Variants in ZNF331 observed in about 807,000 individuals in gnomAD.
ZNF331 encodes the protein C2H2-like zinc finger protein rearranged in thyroid adenomas.
In ZNF331, 2 loss-of-function variants were observed where a neutral mutation model predicts 7.0. The ratio of observed to expected loss-of-function variants is 0.29; its 90% confidence interval spans 0.12 to 0.90. ZNF331 has a LOEUF of 0.90. ZNF331 is among the 40% of genes least tolerant of loss of function. ZNF331 has a pLI of 0.58. For synonymous variants in ZNF331, 196 were observed against 205.4 expected (o/e 0.95, Z 0.39); for missense variants, 432 against 587.7 (o/e 0.74, Z 2.74).
chr19:53,518,138 C>T (rs1246048894), upstream of ZNF331, among the ~76,000 whole-genome samples: 1 of 152,222 alleles, frequency 6.6e-6, no homozygotes, highest in African/African-American at 2.4e-5. Context: ...TCAGGTAGAA[C>T]ACAGAAGGCA....
intron 3 of ZNF331, among the ~76,000 whole-genome samples, chr19:53,566,956 T>C (rs1420349834): frequency 6.6e-6 from 1 of 152,130 alleles, no homozygotes; most frequent in African/African-American, 2.4e-5. Flanking sequence ...TCTCTCCATA[T>C]ATATACATGT....
At chr19:53,521,560 A>G (rs1394289005) in exon 1 of ZNF331, 1 of 152,368 alleles carries the variant, frequency 6.6e-6, no homozygotes, top group Non-Finnish European at 1.5e-5. Context: ...GCCGGGCTGT[A>G]AGGGCATCTG....
At chr19:53,540,769 G>C (rs1273551607) in intron 2 of ZNF331, among the ~76,000 whole-genome samples, 1 of 91,372 alleles carries the variant, frequency 1.1e-5, no homozygotes, top group Non-Finnish European at 2.3e-5. Context: ...GCTTTTGCTG[G>C]CTTCTAGACA....
chr19:53,522,436 C>T (rs972185836), intron 1 of ZNF331, among the ~76,000 whole-genome samples: 1 of 152,058 alleles, frequency 6.6e-6, no homozygotes, highest in African/African-American at 2.4e-5. Flanking sequence ...GGGATTTCAC[C>T]ATGTTGGCAT....
Position 53,578,283 on chromosome 19 carries a change from C to A in ZNF331, c.*331C>A. 1 of 299,054 alleles carries A rather than the reference C, an allele frequency of 3.3e-6. No individual in the cohort carries two copies. Among genetic ancestry groups the A allele is most frequent in the Non-Finnish European group, 6.3e-6 (1 of 157,552 alleles). 18.5% of individuals were successfully genotyped at this position (299,054 alleles called of 1,614,324 possible). A position where few individuals can be genotyped will look rare whatever the true frequency, so the allele number is the denominator to read the frequency against. On this transcript the variant is annotated 3_prime_UTR_variant, in exon 6 of 6. Transcript: ENST00000449416. ...CCCAAGCAGTCCTCACTTTGCTTAA[C>A]AGTGGCCCCAGAGAGCAGGAGTAGT...
At chr19:53,544,306 G>A (rs1425261479) in intron 2 of ZNF331, among the ~76,000 whole-genome samples, 2 of 151,504 alleles carry the variant, frequency 1.3e-5, no homozygotes, top group Non-Finnish European at 2.9e-5. Flanking sequence ...AGCACTTTGG[G>A]AGGCCAAGGT....
At chr19:53,530,612 C>T (rs1326952761) in intron 2 of ZNF331, among the ~76,000 whole-genome samples, 2 of 152,154 alleles carry the variant, frequency 1.3e-5, no homozygotes, top group Non-Finnish European at 2.9e-5. Flanking sequence ...AGGACAAGTT[C>T]AGAGGTAAAA....
chr19:53,528,026 AAG>A (rs2087373975), intron 2 of ZNF331, among the ~76,000 whole-genome samples: 1 of 152,258 alleles, frequency 6.6e-6, no homozygotes, highest in Non-Finnish European at 1.5e-5. Flanking sequence ...TGAAATGACT[AAG>A]ATGGCAACAA....
At position 53,578,813 on chromosome 19, in the gene ZNF331, GT is replaced by G; in HGVS notation, c.*868del. 1.5e-5 allele frequency: 3 copies of G among 194,030 alleles called. No individual in the cohort carries two copies. The highest frequency in any genetic ancestry group is 8.2e-5 in the East Asian group (1 of 12,222). The allele number at this position is 194,030 out of a possible 1,614,324, so 12.0% of individuals were successfully genotyped here. On this transcript the variant is annotated 3_prime_UTR_variant, in exon 6 of 6. Transcript: ENST00000449416. ...CACTGTTGTTTTTGTTTTTGTTTTT[GT>G]TTTTTTGAGACAGAGTCTCACTCTT...
chr19:53,550,529 CTTTTTTTTTT>C (rs60619357), intron 2 of ZNF331, among the ~76,000 whole-genome samples: 4 of 64,540 alleles, frequency 6.2e-5, no homozygotes, highest in African/African-American at 1.3e-4. Context: ...TCTATTTTGT[CTTTTTTTTTT>C]TTTTTTTTTT....
rs2088007578 is a variant in ZNF331 at position 53,539,769 on chromosome 19, G to A, written c.-138+487G>A. On this transcript the variant is annotated intron_variant, in intron 2 of 5. Transcript: ENST00000449416. This position sits in a 1 kb window ranked among gnomAD's most constrained non-coding sequence, Gnocchi z 6.1. ...GTAATTTCATGGCATTAAGAAGGAT[G>A]GACATGCCCCAAAGACATTTAGACC... Among the ~76,000 whole-genome samples the A allele has an allele frequency of 6.6e-6, 1 of 152,150 alleles. No individual in the cohort carries two copies. Among genetic ancestry groups the A allele is most frequent in the African/African-American group, 2.4e-5 (1 of 41,424 alleles).
rs1318085199 is a variant in ZNF331 at position 53,560,132 on chromosome 19, C to CAT, written c.-74+4232_-74+4233dup. Among the ~76,000 whole-genome samples the CAT allele has an allele frequency of 2.0e-5, 3 of 146,494 alleles. No individual in the cohort carries two copies. The South Asian group carries it at 6.3e-4, about 31-fold the overall frequency. On this transcript the variant is annotated intron_variant, in intron 3 of 5. Transcript: ENST00000449416. This position sits in a 1 kb window ranked among gnomAD's most constrained non-coding sequence, Gnocchi z 4.3. ...CATACACACACATATATACACACAC[C>CAT]ATATATATACACACATATATACACA...
At chr19:53,514,787 A>T (rs2086863288), upstream of ZNF331, among the ~76,000 whole-genome samples, 1 of 151,258 alleles carries the variant, frequency 6.6e-6, no homozygotes, top group East Asian at 2.0e-4. Flanking sequence ...AGTAGCTGGG[A>T]CTACAGAAGC....
chr19:53,530,670 C>T (rs117140638), intron 2 of ZNF331, among the ~76,000 whole-genome samples: 23 of 152,308 alleles, frequency 1.5e-4, no homozygotes, highest in African/African-American at 4.3e-4. Flanking sequence ...AAACAACTGT[C>T]GGTATGTACA....
intron 2 of ZNF331, among the ~76,000 whole-genome samples, chr19:53,553,242 T>C (rs761972554): frequency 6.6e-6 from 1 of 150,394 alleles, no homozygotes; most frequent in Non-Finnish European, 1.5e-5. Context: ...CTGGGTGCAG[T>C]GGCTCATGCC....
In ZNF331 at chr19:53,539,800, G is replaced by T. The variant is rs2088012162; in HGVS notation, c.-138+518G>T. ...GCCCCAAAGACATTTAGACCCATTG[G>T]TCTACAATCGAAGGCTGTGTACCTT... On this transcript the variant is annotated intron_variant, in intron 2 of 5. Coordinates refer to ENST00000449416, the MANE Select transcript of ZNF331 (RefSeq NM_001079906.2). This position sits in a 1 kb window ranked among gnomAD's most constrained non-coding sequence, Gnocchi z 6.1. 1.3e-5 allele frequency among the ~76,000 whole-genome samples: 2 copies of T among 152,170 alleles called. No homozygotes were observed. Among genetic ancestry groups the T allele is most frequent in the Admixed American group, 1.3e-4 (2 of 15,276 alleles).
At chr19:53,559,411 C>CATAT (rs1374813583) in intron 3 of ZNF331, among the ~76,000 whole-genome samples, 1 of 150,554 alleles carries the variant, frequency 6.6e-6, no homozygotes, top group East Asian at 2.0e-4. Context: ...TATATACACA[C>CATAT]ATACACATCG....
Position 53,578,415 on chromosome 19 carries a change from GAGGTT to G in ZNF331, c.*464_*468del. Reference sequence around the variant, plus strand: ...AAAGAAAAGAAAAAAATCATATACTGAGGTTGCTAAGATCTACATGACAATAAGAT... The same window carrying G: ...AAAGAAAAGAAAAAAATCATATACTGGCTAAGATCTACATGACAATAAGAT... On this transcript the variant is annotated 3_prime_UTR_variant, in exon 6 of 6. Coordinates refer to ENST00000449416, the MANE Select transcript of ZNF331 (RefSeq NM_001079906.2). The G allele has an allele frequency of 4.3e-6, 1 of 234,034 alleles. No individual in the cohort carries two copies. Among genetic ancestry groups the G allele is most frequent in the Admixed American group, 5.2e-5 (1 of 19,086 alleles). 14.5% of individuals were successfully genotyped at this position (234,034 alleles called of 1,614,324 possible).
chr19:53,525,178 T>G (rs2087245942), intron 2 of ZNF331, among the ~76,000 whole-genome samples: 2 of 152,206 alleles, frequency 1.3e-5, no homozygotes, highest in Admixed American at 1.3e-4. Flanking sequence ...CCTTGTAGTA[T>G]AGTTTGAAGT....
Sources: gnomAD v4.1 joint callset for allele counts (sites outside exome capture counted in the v4.1 genomes callset) on GRCh38, gnomAD v4.1.1 for gene constraint, Gnocchi (gnomAD v3.1) non-coding constraint, MANE v1.5 for transcripts, NCBI Gene and HGNC (gene_info 2026-07-23, HGNC 2026-07-21) for gene names.